MALRD1: variants seen among roughly 807,000 people sequenced by gnomAD.
MALRD1 encodes the protein MAM and LDL-receptor class A domain-containing protein 1.
A neutral mutation model predicts 242.1 loss-of-function variants in MALRD1; 247 were observed. The observed-to-expected ratio is 1.02, with a 90% CI of 0.92 to 1.13. The LOEUF is 1.13. MALRD1 is among the 50% of genes most tolerant of loss of function. MALRD1 has a pLI of 0.00. For synonymous variants in MALRD1, 995 were observed against 866.6 expected (o/e 1.15, Z -2.60); for missense variants, 2,989 against 2,533.1 (o/e 1.18, Z -3.86).
intron 39 of MALRD1, 87 bp from the exon 40 acceptor site, chr10:19,734,070 C>T: frequency 9.7e-7 from 1 of 1,034,566 alleles, no homozygotes; most frequent in Non-Finnish European, 1.4e-6. Flanking sequence ...CCATTGGGAC[C>T]TTTGCTGCAT....
At chr10:19,635,234 A>C (rs1037695337) in intron 36 of MALRD1, among the ~76,000 whole-genome samples, 5 of 152,170 alleles carry the variant, frequency 3.3e-5, no homozygotes, top group Admixed American at 2.0e-4. Flanking sequence ...CCAAAAATAA[A>C]ACTCCAAGAT....
chr10:19,507,634 A>G (rs1179276043), intron 31 of MALRD1, among the ~76,000 whole-genome samples: 1 of 152,210 alleles, frequency 6.6e-6, no homozygotes. Flanking sequence ...ATTTATTGTG[A>G]TGCCAATTCA....
intron 12 of MALRD1, among the ~76,000 whole-genome samples, chr10:19,155,747 T>C (rs1007320509): frequency 6.6e-6 from 1 of 152,178 alleles, no homozygotes; most frequent in Non-Finnish European, 1.5e-5. Context: ...GAAACATACA[T>C]GATTGTATGC....
chr10:19,524,357 G>A (rs1245076690), intron 31 of MALRD1, among the ~76,000 whole-genome samples: 4 of 151,958 alleles, frequency 2.6e-5, no homozygotes, highest in African/African-American at 9.7e-5. Flanking sequence ...CGTGCCTGTA[G>A]TCCCAGCTAC....
At chr10:19,365,049 A>C (rs1346514790) in intron 26 of MALRD1, among the ~76,000 whole-genome samples, 1 of 152,152 alleles carries the variant, frequency 6.6e-6, no homozygotes, top group African/African-American at 2.4e-5. Context: ...TTCTAAAAAG[A>C]ATGTCATTTA....
chr10:19,324,499 T>C (rs1843034099), intron 22 of MALRD1, among the ~76,000 whole-genome samples: 1 of 152,098 alleles, frequency 6.6e-6, no homozygotes, highest in South Asian at 2.1e-4. Context: ...ATAGTCTTTT[T>C]CAAAATGTTT....
intron 21 of MALRD1, among the ~76,000 whole-genome samples, chr10:19,313,492 A>G (rs1019236344): frequency 4.0e-5 from 6 of 151,550 alleles, no homozygotes; most frequent in African/African-American, 1.4e-4. Context: ...AATAGCTAGA[A>G]TAGAATAATT....
intron 26 of MALRD1, among the ~76,000 whole-genome samples, chr10:19,379,214 A>G (rs1039160315): frequency 6.6e-6 from 1 of 151,974 alleles, no homozygotes; most frequent in African/African-American, 2.4e-5. Context: ...AGTGCAGATG[A>G]TGTTTTATCA....
intron 36 of MALRD1, among the ~76,000 whole-genome samples, chr10:19,633,317 G>A (rs1000712742): frequency 3.9e-5 from 6 of 152,158 alleles, no homozygotes; most frequent in African/African-American, 1.4e-4. Flanking sequence ...CCTCATTGGA[G>A]AAGCACGGTG....
At chr10:19,194,212 C>G (rs1836128703) in intron 14 of MALRD1, among the ~76,000 whole-genome samples, 1 of 151,944 alleles carries the variant, frequency 6.6e-6, no homozygotes, top group Non-Finnish European at 1.5e-5. Flanking sequence ...CCTGATGTGC[C>G]TAAGTTATAT....
chr10:19,104,199 G>C (rs1221599543), intron 5 of MALRD1, 124 bp downstream of exon 5: 5 of 515,924 alleles, frequency 9.7e-6, no homozygotes, highest in Non-Finnish European at 1.5e-5. Context: ...GATATTTTTC[G>C]TTCTAATACA....
chr10:19,295,397 A>G (rs1376632848), intron 21 of MALRD1, among the ~76,000 whole-genome samples: 1 of 151,776 alleles, frequency 6.6e-6, no homozygotes, highest in Non-Finnish European at 1.5e-5. Context: ...AATTGTATAT[A>G]TATTTTTATG....
At chr10:19,238,493 TATATAATATA>T (rs1232307006) in intron 18 of MALRD1, among the ~76,000 whole-genome samples, 42 of 8,592 alleles carry the variant, frequency 4.9e-3, no homozygotes, top group South Asian at 0.038. Flanking sequence ...TTATATATAA[TATATAATATA>T]ATATATAATG....
At chr10:19,442,889 G>C (rs895056449) in intron 28 of MALRD1, among the ~76,000 whole-genome samples, 2 of 152,116 alleles carry the variant, frequency 1.3e-5, no homozygotes, top group Non-Finnish European at 2.9e-5. Flanking sequence ...GTTTCAGAAG[G>C]AATGATACCA....
At chr10:19,085,457 C>T (rs936953890) in intron 2 of MALRD1, among the ~76,000 whole-genome samples, 1 of 151,896 alleles carries the variant, frequency 6.6e-6, no homozygotes, top group Non-Finnish European at 1.5e-5. Context: ...GATATTGCCA[C>T]TGGGTGCATT....
At chr10:19,529,716 T>C (rs2131342188) in intron 31 of MALRD1, among the ~76,000 whole-genome samples, 1 of 152,144 alleles carries the variant, frequency 6.6e-6, no homozygotes, top group East Asian at 1.9e-4. Context: ...AACTATATAT[T>C]GTCAGTAAGA....
At chr10:19,298,579 A>G (rs1588875182) in intron 21 of MALRD1, among the ~76,000 whole-genome samples, 1 of 152,042 alleles carries the variant, frequency 6.6e-6, no homozygotes, top group African/African-American at 2.4e-5. Flanking sequence ...CAAATGGGTA[A>G]CGTCACGACT....
At chr10:19,125,602 C>A (rs1837259988) in intron 7 of MALRD1, among the ~76,000 whole-genome samples, 1 of 149,154 alleles carries the variant, frequency 6.7e-6, no homozygotes, top group Admixed American at 6.7e-5. Flanking sequence ...TTTCACTGAT[C>A]TGGAAGCTTT....
intron 29 of MALRD1, among the ~76,000 whole-genome samples, chr10:19,490,212 A>G (rs981001332): frequency 6.6e-5 from 10 of 152,146 alleles, no homozygotes; most frequent in Non-Finnish European, 1.5e-4. Context: ...GAAAGAAAAA[A>G]TATCTTTTTA....
Sources: gnomAD v4.1 joint callset for allele counts (sites outside exome capture counted in the v4.1 genomes callset) on GRCh38, gnomAD v4.1.1 for gene constraint, MANE v1.5 for transcripts, NCBI Gene and HGNC (gene_info 2026-07-23, HGNC 2026-07-21) for gene names.